SOX5: variants seen among roughly 807,000 people sequenced by gnomAD.
SOX5 encodes SRY-box transcription factor 5, also known as transcription factor SOX-5.
SOX5 carries 9 observed loss-of-function variants against 92.0 expected under a neutral mutation model. The ratio of observed to expected loss-of-function variants is 0.10; its 90% CI spans 0.06 to 0.17. The LOEUF (loss-of-function observed/expected upper bound fraction) is 0.17, where lower values mean the gene tolerates loss of function less well. Among genes scored for constraint, SOX5 ranks in the 10% least tolerant of loss-of-function variants. The pLI is 1.00. For missense variants in SOX5, 642 were observed against 944.5 expected (o/e 0.68, Z 4.20); for synonymous variants, 344 against 336.3 (o/e 1.02, Z -0.25).
At chr12:24,245,433 A>G (rs1397760971) in intron 3 of SOX5, among the ~76,000 whole-genome samples, 1 of 152,212 alleles carries the variant, frequency 6.6e-6, no homozygotes, top group Non-Finnish European at 1.5e-5. Flanking sequence ...AACACACTTT[A>G]AAAAACTTAT....
chr12:24,173,237 G>A (rs1377940545), intron 4 of SOX5, among the ~76,000 whole-genome samples: 1 of 152,206 alleles, frequency 6.6e-6, no homozygotes, highest in Admixed American at 6.5e-5. Flanking sequence ...CTAATAGCAT[G>A]AAAGAAGTAT....
chr12:24,397,091 G>A (rs2136570619), intron 1 of SOX5, among the ~76,000 whole-genome samples: 1 of 152,192 alleles, frequency 6.6e-6, no homozygotes, highest in South Asian at 2.1e-4. Context: ...GAGAATTTGA[G>A]GTGCGTGTTT....
At chr12:23,820,954 T>G (rs1234990432) in intron 3 of SOX5, among the ~76,000 whole-genome samples, 3 of 152,220 alleles carry the variant, frequency 2.0e-5, no homozygotes, top group Non-Finnish European at 4.4e-5. Flanking sequence ...TTTCTAATTC[T>G]GTGAAGAAAG....
At chr12:23,932,500 T>C (rs1430662899) in intron 1 of SOX5, among the ~76,000 whole-genome samples, 1 of 151,614 alleles carries the variant, frequency 6.6e-6, no homozygotes, top group African/African-American at 2.4e-5. Context: ...GCTAATATTA[T>C]TGTGATTATA....
intron 2 of SOX5, among the ~76,000 whole-genome samples, chr12:24,333,979 G>T (rs1951619407): frequency 6.6e-6 from 1 of 151,326 alleles, no homozygotes; most frequent in South Asian, 2.1e-4. Context: ...AAAAACCAAT[G>T]GAATCAACTT....
intron 10 of SOX5, among the ~76,000 whole-genome samples, chr12:23,569,051 C>G (rs187312776): frequency 3.3e-5 from 5 of 152,092 alleles, no homozygotes; most frequent in Admixed American, 3.3e-4. Flanking sequence ...ATTAGTGGAG[C>G]ATGGTGGTGC....
chr12:24,236,436 A>T (rs1964529326), intron 3 of SOX5, among the ~76,000 whole-genome samples: 1 of 152,208 alleles, frequency 6.6e-6, no homozygotes, highest in African/African-American at 2.4e-5. Flanking sequence ...TGAAATTTAG[A>T]ATTTCCATAG....
intron 6 of SOX5, among the ~76,000 whole-genome samples, chr12:23,701,828 G>T (rs1386250829): frequency 6.6e-6 from 1 of 152,000 alleles, no homozygotes; most frequent in Non-Finnish European, 1.5e-5. Context: ...GAAACCAAAA[G>T]ATTTTTACAT....
At chr12:23,681,652 G>A in intron 6 of SOX5, among the ~76,000 whole-genome samples, 1 of 151,648 alleles carries the variant, frequency 6.6e-6, no homozygotes, top group East Asian at 1.9e-4. Flanking sequence ...TGTGGATACG[G>A]AGCTTCTATT....
At chr12:23,587,273 G>A (rs545930689) in intron 9 of SOX5, among the ~76,000 whole-genome samples, 19 of 151,424 alleles carry the variant, frequency 1.3e-4, no homozygotes, top group South Asian at 2.1e-4. Flanking sequence ...TATTTTATTC[G>A]TACAGAAAGA....
intron 12 of SOX5, among the ~76,000 whole-genome samples, chr12:23,545,510 C>T (rs1252429560): frequency 6.6e-6 from 1 of 152,046 alleles, no homozygotes; most frequent in African/African-American, 2.4e-5. Flanking sequence ...GTCTGAAGGC[C>T]TATGAGAAGG....
intron 3 of SOX5, among the ~76,000 whole-genome samples, chr12:24,221,139 G>T (rs1206667879): frequency 6.6e-6 from 1 of 152,106 alleles, no homozygotes; most frequent in Non-Finnish European, 1.5e-5. Flanking sequence ...TTCAAACTAT[G>T]CCTGTGTATC....
At chr12:23,918,841 CG>C (rs67671157) in intron 1 of SOX5, among the ~76,000 whole-genome samples, 38,232 of 151,326 alleles carry the variant, frequency 0.25, 5,188 homozygotes, top group East Asian at 0.33. Context: ...CACTGGAACC[CG>C]GGAGGTGGAG....
At chr12:23,872,641 A>G (rs964240817) in intron 2 of SOX5, among the ~76,000 whole-genome samples, 2 of 152,240 alleles carry the variant, frequency 1.3e-5, no homozygotes, top group African/African-American at 4.8e-5. Flanking sequence ...GGACTGTAAT[A>G]TCACAGAGAC....
chr12:23,740,218 A>G (rs2093746327), intron 5 of SOX5, among the ~76,000 whole-genome samples: 1 of 152,078 alleles, frequency 6.6e-6, no homozygotes, highest in African/African-American at 2.4e-5. Flanking sequence ...TCATAAAACT[A>G]CTTTCTTTTC....
At chr12:24,555,544 A>T (rs972186768) in intron 1 of SOX5, among the ~76,000 whole-genome samples, 2 of 152,238 alleles carry the variant, frequency 1.3e-5, no homozygotes, top group African/African-American at 4.8e-5. Context: ...TACATCGAAA[A>T]GAGTGTAAAA....
At chr12:23,907,247 G>A (rs2097304091) in intron 1 of SOX5, among the ~76,000 whole-genome samples, 1 of 152,078 alleles carries the variant, frequency 6.6e-6, no homozygotes, top group South Asian at 2.1e-4. Context: ...AGGAAGAGGA[G>A]GAAGAGGACG....
chr12:23,565,363 A>G (rs1262076834), intron 10 of SOX5, among the ~76,000 whole-genome samples: 2 of 152,196 alleles, frequency 1.3e-5, no homozygotes, highest in African/African-American at 4.8e-5. Context: ...ATTTAGTAAT[A>G]TCTTAAGAGG....
chr12:24,038,021 T>G (rs1956207573), intron 4 of SOX5, among the ~76,000 whole-genome samples: 1 of 152,158 alleles, frequency 6.6e-6, no homozygotes, highest in Non-Finnish European at 1.5e-5. Context: ...AGTTACCTAT[T>G]TCCCCAGAAA....
Sources: allele counts gnomAD v4.1 joint callset (sites outside exome capture counted in the v4.1 genomes callset), GRCh38; gene constraint gnomAD v4.1.1; transcripts MANE v1.5; gene names NCBI Gene and HGNC (gene_info 2026-07-23, HGNC 2026-07-21).